SYNE2: variants seen among roughly 807,000 people sequenced by gnomAD.
SYNE2 encodes the protein nesprin-2.
In SYNE2, 431 loss-of-function variants were observed where a neutral mutation model predicts 856.3. That is an observed-to-expected ratio of 0.50 (90% confidence interval 0.47 to 0.55). The LOEUF is 0.55. SYNE2 is among the 20% of genes least tolerant of loss of function. The pLI is 0.00. For synonymous variants in SYNE2, 2,923 were observed against 2,872.3 expected (o/e 1.02, Z -0.56); for missense variants, 8,129 against 8,023.2 (o/e 1.01, Z -0.50).
Position 64,074,064 on chromosome 14 carries a change from C to A in SYNE2, c.10794C>A (p.Phe3598Leu). ...AAGAGATAATTGCTTTGAAGAATTT[C>A]TTTCAACAGACCACAACTTCATTCC... ...FTKEIIALKN[F>L]FQQTTTSFQN... Residue 3598 changes from phenylalanine (F) to leucine (L), a missense_variant, in exon 53 of 116, where the codon TTC becomes TTA. Phe to Leu is a conservative substitution (Grantham distance 22, BLOSUM62 0). Transcript: ENST00000555002. 5 of 1,614,178 alleles carry A rather than the reference C, an allele frequency of 3.1e-6. No homozygotes were observed. Among genetic ancestry groups the A allele is most frequent in the Non-Finnish European group, 4.2e-6 (5 of 1,180,000 alleles).
At chr14:63,802,360 G>A (rs545482023) in intron 1 of SYNE2, among the ~76,000 whole-genome samples, 1 of 151,740 alleles carries the variant, frequency 6.6e-6, no homozygotes, top group East Asian at 2.0e-4. Context: ...GCTCGCCTCG[G>A]CCTCCCCAGG....
intron 6 of SYNE2, among the ~76,000 whole-genome samples, chr14:63,947,374 G>A (rs2096052738): frequency 6.6e-6 from 1 of 152,174 alleles, no homozygotes. Flanking sequence ...TCTCACATGT[G>A]CCTAGTGGCT....
In SYNE2 at chr14:64,125,214, G is replaced by C; in HGVS notation, c.13554+4G>C. The C allele has an allele frequency of 6.2e-7, 1 of 1,614,112 alleles. No individual in the cohort carries two copies. The highest frequency in any genetic ancestry group is 8.5e-7 in the Non-Finnish European group (1 of 1,180,006). ...AGCAAGTAACCTTCAGACACAGGTA[G>C]AAGCTGCACACAATGTGTTTTCCTC... On this transcript the variant is annotated splice_donor_region_variant and intron_variant, in intron 71 of 115. Coordinates refer to ENST00000555002, the MANE Select transcript of SYNE2 (RefSeq NM_182914.3).
At chr14:63,802,951 G>A (rs1888206119) in intron 1 of SYNE2, among the ~76,000 whole-genome samples, 1 of 152,186 alleles carries the variant, frequency 6.6e-6, no homozygotes, top group Non-Finnish European at 1.5e-5. Flanking sequence ...CAAAGAGTGA[G>A]CAGTAGGAAG....
At position 64,211,950 on chromosome 14, in the gene SYNE2, C is replaced by A; in HGVS notation, c.18724-11C>A. On this transcript the variant is annotated splice_polypyrimidine_tract_variant and intron_variant, in intron 103 of 115. Transcript: ENST00000555002. ...GTCAGTAGAAATGTGATTTCCTCCCCACTTTTGCAGCATTTCACCAACCAG... is the reference window on the plus strand; with the variant it reads ...GTCAGTAGAAATGTGATTTCCTCCCAACTTTTGCAGCATTTCACCAACCAG... The A allele has an allele frequency of 6.2e-7, 1 of 1,614,014 alleles. No individual in the cohort carries two copies.
chr14:63,970,113 A>G (rs1381477413), intron 11 of SYNE2, among the ~76,000 whole-genome samples: 1 of 151,852 alleles, frequency 6.6e-6, no homozygotes, highest in Non-Finnish European at 1.5e-5. Context: ...CTTTTCATCT[A>G]TTTGGAGTCT....
At chr14:63,958,607 T>G (rs908117405) in intron 8 of SYNE2, among the ~76,000 whole-genome samples, 2 of 152,200 alleles carry the variant, frequency 1.3e-5, no homozygotes, top group African/African-American at 4.8e-5. Flanking sequence ...ATCAGGGTTC[T>G]CATGGTAAAG....
rs369993396 is a variant in SYNE2 at position 64,202,797 on chromosome 14, G to A, written c.18039-4G>A. The stretch of plus-strand genomic sequence containing the variant: ...TCGTTTTGTTTTTCTGCAAATATGT[G>A]TAGGGTGAAGAAGCTGAAGGAGACC... On this transcript the variant is annotated splice_region_variant and splice_polypyrimidine_tract_variant and intron_variant, in intron 99 of 115. Coordinates refer to ENST00000555002, the MANE Select transcript of SYNE2 (RefSeq NM_182914.3). The A allele has an allele frequency of 1.2e-5, 19 of 1,613,976 alleles. No individual in the cohort carries two copies. The highest frequency in any genetic ancestry group is 1.4e-5 in the Non-Finnish European group (16 of 1,180,028).
At chr14:64,072,872 T>C (rs1300115475) in intron 52 of SYNE2, among the ~76,000 whole-genome samples, 2 of 152,246 alleles carry the variant, frequency 1.3e-5, no homozygotes, top group African/African-American at 4.8e-5. Flanking sequence ...ATTAATTTGC[T>C]AGAGTGGCTC....
At chr14:63,796,620 A>C (rs974574241) in intron 1 of SYNE2, among the ~76,000 whole-genome samples, 2 of 152,202 alleles carry the variant, frequency 1.3e-5, no homozygotes, top group African/African-American at 4.8e-5. Flanking sequence ...ATGCTTTATC[A>C]GTCTTCTAGA....
chr14:63,809,534 C>CG (rs1888531439), intron 1 of SYNE2, among the ~76,000 whole-genome samples: 1 of 152,124 alleles, frequency 6.6e-6, no homozygotes, highest in Non-Finnish European at 1.5e-5. Flanking sequence ...TGCTGGAGTG[C>CG]GGGGGCATGA....
rs755761382 is a variant in SYNE2 at position 64,162,252 on chromosome 14, G to GC, written c.16280dup (p.Ala5428SerfsTer11). On this transcript the variant is annotated frameshift_variant, in exon 88 of 116. Transcript: ENST00000555002. LOFTEE classifies it high-confidence loss of function. ...CTGGAAACAACCTGGCAGAGATCCT[G>GC]CCCCCAGCCCTGCAGGACATAAAGG... 7 of 1,614,174 alleles carry GC rather than the reference G, an allele frequency of 4.3e-6. No homozygotes were observed. Among genetic ancestry groups the GC allele is most frequent in the Non-Finnish European group, 5.9e-6 (7 of 1,180,012 alleles).
At chr14:63,946,270 TA>T (rs1329852212) in intron 6 of SYNE2, among the ~76,000 whole-genome samples, 2 of 151,136 alleles carry the variant, frequency 1.3e-5, no homozygotes, top group Admixed American at 6.6e-5. Context: ...AAAATAAAAA[TA>T]AAAATAATTA....
At position 63,921,185 on chromosome 14, in the gene SYNE2, GA is replaced by G. The variant is rs35072484; in HGVS notation, c.79+11969del. ...TCAGTAGATGATAGAACCATTTACTGAAAAAAAAAAAGTGCAGGAGAACAAC... is the reference window on the plus strand; with the variant it reads ...TCAGTAGATGATAGAACCATTTACTGAAAAAAAAAAGTGCAGGAGAACAAC... On this transcript the variant is annotated intron_variant, in intron 2 of 115. Transcript: ENST00000555002. Among the ~76,000 whole-genome samples the G allele has an allele frequency of 5.8e-3, 837 of 145,214 alleles. 1 individual carries two copies. Among genetic ancestry groups the G allele is most frequent in the African/African-American group, 0.018 (734 of 39,872 alleles).
At chr14:64,219,526 A>G (rs2098684860) in intron 110 of SYNE2, 116 bp downstream of exon 110, 2 of 988,156 alleles carry the variant, frequency 2.0e-6, no homozygotes, top group African/African-American at 1.6e-5. Context: ...CAGATGGTGT[A>G]TGTAGAGGTC....
intron 1 of SYNE2, among the ~76,000 whole-genome samples, chr14:63,814,806 A>C: frequency 4.7e-5 from 6 of 128,784 alleles, no homozygotes; most frequent in Admixed American, 2.5e-4. Context: ...ATCCATATAT[A>C]TCCATATATA....
chr14:64,178,713 C>A (rs1448053474), intron 96 of SYNE2, among the ~76,000 whole-genome samples: 4 of 152,164 alleles, frequency 2.6e-5, no homozygotes, highest in African/African-American at 7.2e-5. Context: ...CCTGCCTTGG[C>A]CTCCCAAAGT....
upstream of SYNE2, among the ~76,000 whole-genome samples, chr14:63,848,846 C>T (rs79488173): frequency 8.7e-3 from 1,319 of 152,354 alleles, 17 homozygotes; most frequent in African/African-American, 0.03. Context: ...ACGCTTGGCA[C>T]TTCACGTACA....
At chr14:63,814,466 T>TCATACATAATATATATGTC (rs1888756094) in intron 1 of SYNE2, among the ~76,000 whole-genome samples, 1 of 132,628 alleles carries the variant, frequency 7.5e-6, no homozygotes, top group Non-Finnish European at 1.6e-5. Context: ...TCCTTATATA[T>TCATACATAATATATATGTC]CATATATAAT....
Sources: allele counts gnomAD v4.1 joint callset (sites outside exome capture counted in the v4.1 genomes callset), GRCh38; gene constraint gnomAD v4.1.1; transcripts MANE v1.5; gene names NCBI Gene and HGNC (gene_info 2026-07-23, HGNC 2026-07-21).